Variants in PPM1H observed in about 807,000 individuals in gnomAD.
The protein encoded by PPM1H is protein phosphatase, Mg2+/Mn2+ dependent 1H.
PPM1H carries 27 observed loss-of-function variants against 54.9 expected under a neutral mutation model. That is an observed-to-expected ratio of 0.49 (90% CI 0.36 to 0.68). The LOEUF (loss-of-function observed/expected upper bound fraction) is 0.68. PPM1H is among the 30% of genes least tolerant of loss of function. PPM1H has a pLI of 0.00. For missense variants in PPM1H, 596 were observed against 667.8 expected (o/e 0.89, Z 1.19); for synonymous variants, 305 against 270.8 (o/e 1.13, Z -1.24).
chr12:62,802,171 G>GGAC lies in PPM1H; in HGVS notation c.412-14_412-12dup. 1 of 1,543,682 alleles carries GGAC rather than the reference G, an allele frequency of 6.5e-7. No homozygotes were observed. The highest frequency in any genetic ancestry group is 1.2e-5 in the South Asian group (1 of 80,188). Reference sequence around the variant, plus strand: ...AACACCCTCGGATTCCTGTGGGAGAGGACGACAGGGAGGAGTGAGAACGGC... The same window carrying GGAC: ...AACACCCTCGGATTCCTGTGGGAGAGGACGACGACAGGGAGGAGTGAGAACGGC... On this transcript the variant is annotated splice_polypyrimidine_tract_variant and intron_variant, in intron 2 of 9. Coordinates refer to ENST00000228705, the MANE Select transcript of PPM1H (RefSeq NM_020700.2).
intron 1 of PPM1H, among the ~76,000 whole-genome samples, chr12:62,836,871 A>G (rs570328996): frequency 3.9e-5 from 6 of 152,312 alleles, no homozygotes; most frequent in South Asian, 2.1e-4. Context: ...TTAACCTACC[A>G]GCCTACCTTC....
rs377548917 is a variant in PPM1H, at chr12:62,768,316, G to A, written c.869+19910C>T. 2.6e-5 allele frequency among the ~76,000 whole-genome samples: 4 copies of A among 152,254 alleles called. No homozygotes were observed. In the East Asian group the frequency reaches 5.8e-4, roughly 22 times the overall value. ...TGGGACAGAATTGAGGCTATCATGA[G>A]GGGGAAATGCAGCCAGGGAATGCAT... On this transcript the variant is annotated intron_variant, in intron 4 of 9. Coordinates refer to ENST00000228705, the MANE Select transcript of PPM1H (RefSeq NM_020700.2).
intron 6 of PPM1H, among the ~76,000 whole-genome samples, chr12:62,702,602 G>A (rs2076150589): frequency 6.7e-6 from 1 of 148,832 alleles, no homozygotes. Context: ...GTTTCCCTAA[G>A]TCTTAATTCC....
intron 3 of PPM1H, among the ~76,000 whole-genome samples, chr12:62,792,047 T>G (rs2076704129): frequency 6.6e-6 from 1 of 152,198 alleles, no homozygotes; most frequent in African/African-American, 2.4e-5. Flanking sequence ...AACGTTATGG[T>G]GCAAAAAGTC....
intron 5 of PPM1H, among the ~76,000 whole-genome samples, chr12:62,730,126 TA>T (rs1230677952): frequency 6.6e-6 from 1 of 152,046 alleles, no homozygotes; most frequent in Non-Finnish European, 1.5e-5. Context: ...CCGAATCCTA[TA>T]AAACGGCCCC....
intron 4 of PPM1H, among the ~76,000 whole-genome samples, chr12:62,750,962 C>T (rs574100817): frequency 5.3e-5 from 8 of 152,296 alleles, no homozygotes; most frequent in Non-Finnish European, 7.3e-5. Context: ...TTCACAATAC[C>T]GTACGGTTCC....
At position 62,646,579 on chromosome 12, in the gene PPM1H, A is replaced by C. The variant is rs922336125; in HGVS notation, c.*1910T>G. ...ATCAGACTCTGCCACGAAGCAAAGCATTTTCCACAAACTTCTCTCCATAGA... is the reference window on the plus strand; with the variant it reads ...ATCAGACTCTGCCACGAAGCAAAGCCTTTTCCACAAACTTCTCTCCATAGA... On this transcript the variant is annotated 3_prime_UTR_variant, in exon 10 of 10. Coordinates refer to ENST00000228705, the MANE Select transcript of PPM1H (RefSeq NM_020700.2). 4 of 152,250 alleles carry C rather than the reference A, an allele frequency of 2.6e-5. No individual in the cohort carries two copies. Among genetic ancestry groups the C allele is most frequent in the Admixed American group, 2.0e-4 (3 of 15,288 alleles). 9.4% of individuals were successfully genotyped at this position (152,250 alleles called of 1,614,324 possible). A position where few individuals can be genotyped will look rare whatever the true frequency, so the allele number is the denominator to read the frequency against.
chr12:62,828,828 A>G (rs1168365937), intron 2 of PPM1H, among the ~76,000 whole-genome samples: 1 of 152,216 alleles, frequency 6.6e-6, no homozygotes, highest in East Asian at 1.9e-4. Context: ...GAACATATAC[A>G]AAGGTCCAAT....
intron 3 of PPM1H, among the ~76,000 whole-genome samples, chr12:62,797,842 C>G (rs1259251232): frequency 6.6e-6 from 1 of 152,102 alleles, no homozygotes; most frequent in Non-Finnish European, 1.5e-5. Flanking sequence ...CAAAGAAAAA[C>G]AAGAGCATCT....
intron 1 of PPM1H, among the ~76,000 whole-genome samples, chr12:62,849,822 C>T (rs1173837052): frequency 6.6e-6 from 1 of 152,152 alleles, no homozygotes; most frequent in Non-Finnish European, 1.5e-5. Context: ...AAGTTAAAAA[C>T]TTGAAAGAGC....
At chr12:62,660,607 T>A (rs935019878) in intron 9 of PPM1H, among the ~76,000 whole-genome samples, 1 of 152,108 alleles carries the variant, frequency 6.6e-6, no homozygotes, top group Non-Finnish European at 1.5e-5. Context: ...GTCTCTTCAA[T>A]AAATGGTGCT....
At position 62,932,878 on chromosome 12, in the gene PPM1H, G is replaced by T. The variant is rs922767142; in HGVS notation, c.245+1614C>A. 2.0e-5 allele frequency among the ~76,000 whole-genome samples: 3 copies of T among 151,664 alleles called. 1 individual carries two copies. Among genetic ancestry groups the T allele is most frequent in the East Asian group, 3.9e-4 (2 of 5,150 alleles). ...TCGAACTCCTGACCTCACGTGATCC[G>T]CCCGCCTCGGCCTCCCAAAGTGCTG... On this transcript the variant is annotated intron_variant, in intron 1 of 9. Coordinates refer to ENST00000228705, the MANE Select transcript of PPM1H (RefSeq NM_020700.2).
At chr12:62,711,828 G>C (rs568747264) in intron 6 of PPM1H, among the ~76,000 whole-genome samples, 1 of 152,216 alleles carries the variant, frequency 6.6e-6, no homozygotes, top group East Asian at 1.9e-4. Flanking sequence ...GGAGCGAGCT[G>C]GTGGGGCATC....
At chr12:62,802,673 C>T (rs1032423002) in intron 2 of PPM1H, among the ~76,000 whole-genome samples, 2 of 151,304 alleles carry the variant, frequency 1.3e-5, no homozygotes, top group African/African-American at 4.8e-5. Flanking sequence ...AAGCGATTCT[C>T]ATGCCTCAGT....
At chr12:62,854,143 G>A (rs1018843754) in intron 1 of PPM1H, among the ~76,000 whole-genome samples, 1 of 152,194 alleles carries the variant, frequency 6.6e-6, no homozygotes, top group Admixed American at 6.5e-5. Flanking sequence ...TTTCTGTATT[G>A]TTGAAAAGAG....
chr12:62,843,848 C>T (rs1307501967), intron 1 of PPM1H, among the ~76,000 whole-genome samples: 1 of 152,192 alleles, frequency 6.6e-6, no homozygotes, highest in African/African-American at 2.4e-5. Context: ...CTGAACAATA[C>T]ATCAAGTAGC....
chr12:62,730,049 A>C lies in PPM1H; in HGVS notation c.954+7453T>G, dbSNP rs1592567272. Among the ~76,000 whole-genome samples the C allele has an allele frequency of 2.0e-5, 3 of 151,970 alleles. No homozygotes were observed. The South Asian group carries it at 6.2e-4, about 32-fold the overall frequency. On this transcript the variant is annotated intron_variant, in intron 5 of 9. Coordinates refer to ENST00000228705, the MANE Select transcript of PPM1H (RefSeq NM_020700.2). ...TGGCTCAAAAGCTCCCCTACTGAGC[A>C]CCCTGTGACCCCCACTCTGCCCGCC...
intron 1 of PPM1H, among the ~76,000 whole-genome samples, chr12:62,890,714 GTA>G (rs1311251152): frequency 1.0e-4 from 12 of 115,418 alleles, no homozygotes; most frequent in South Asian, 3.1e-4. Context: ...TCGTGTGTGT[GTA>G]TACACACACA....
chr12:62,891,655 C>A (rs563257563), intron 1 of PPM1H, among the ~76,000 whole-genome samples: 2 of 152,106 alleles, frequency 1.3e-5, no homozygotes, highest in South Asian at 2.1e-4. Flanking sequence ...TTTGTTCTTA[C>A]CTAGTATCAC....
Sources: gnomAD v4.1 joint callset for allele counts (sites outside exome capture counted in the v4.1 genomes callset) on GRCh38, gnomAD v4.1.1 for gene constraint, MANE v1.5 for transcripts, NCBI Gene and HGNC (gene_info 2026-07-23, HGNC 2026-07-21) for gene names.